Variants in SH3GL3 observed in about 807,000 individuals in gnomAD.
SH3GL3 encodes the protein SH3 domain containing GRB2 like 3, endophilin A3, also known as endophilin-A3.
Under a neutral mutation model 47.7 loss-of-function variants are expected in SH3GL3, and 33 were observed. The ratio of observed to expected loss-of-function variants is 0.69; its 90% CI spans 0.52 to 0.92. The LOEUF (loss-of-function observed/expected upper bound fraction) is 0.92, where lower values mean the gene tolerates loss of function less well. Among genes scored for constraint, SH3GL3 ranks in the 40% least tolerant of loss-of-function variants. The pLI is 0.00. For missense variants in SH3GL3, 363 were observed against 417.8 expected (o/e 0.87, Z 1.14); for synonymous variants, 155 against 148.8 (o/e 1.04, Z -0.30).
chr15:83,595,646 C>G (rs1345844557), intron 8 of SH3GL3, among the ~76,000 whole-genome samples: 1 of 144,394 alleles, frequency 6.9e-6, no homozygotes, highest in Non-Finnish European at 1.5e-5. Flanking sequence ...TGCATGAAGG[C>G]TTTAAGCTAT....
At chr15:83,507,012 G>A (rs745410575) in intron 1 of SH3GL3, among the ~76,000 whole-genome samples, 23 of 151,106 alleles carry the variant, frequency 1.5e-4, no homozygotes, top group Admixed American at 9.2e-4. Context: ...TTTTGTGTAC[G>A]CTTTTTTTTT....
At chr15:83,597,859 C>T (rs974604950) in intron 8 of SH3GL3, among the ~76,000 whole-genome samples, 3 of 152,312 alleles carry the variant, frequency 2.0e-5, no homozygotes, top group East Asian at 1.9e-4. Context: ...CTGCCCAACT[C>T]GGCCTCCCGA....
chr15:83,466,824 A>G (rs543359115), intron 1 of SH3GL3, among the ~76,000 whole-genome samples: 3 of 152,192 alleles, frequency 2.0e-5, no homozygotes, highest in South Asian at 4.1e-4. Flanking sequence ...AGCTTTGCAT[A>G]TGCTTATTGG....
chr15:83,466,471 G>A (rs1348762378), intron 1 of SH3GL3, among the ~76,000 whole-genome samples: 2 of 151,706 alleles, frequency 1.3e-5, no homozygotes, highest in African/African-American at 4.8e-5. Flanking sequence ...AATCACAAAG[G>A]CCCCAAGATG....
chr15:83,563,933 C>G (rs2045406858), intron 2 of SH3GL3, among the ~76,000 whole-genome samples: 1 of 152,158 alleles, frequency 6.6e-6, no homozygotes. Flanking sequence ...CCACCGTGCC[C>G]AGCCTTTTCC....
At chr15:83,521,450 G>C (rs1279328641) in intron 1 of SH3GL3, among the ~76,000 whole-genome samples, 1 of 152,174 alleles carries the variant, frequency 6.6e-6, no homozygotes, top group Admixed American at 6.5e-5. Context: ...ATGGTGCTGA[G>C]GATGGGGAGG....
intron 1 of SH3GL3, among the ~76,000 whole-genome samples, chr15:83,474,363 A>AT (rs955254845): frequency 6.6e-6 from 1 of 152,008 alleles, no homozygotes; most frequent in African/African-American, 2.4e-5. Context: ...GATCCTCTTG[A>AT]TTTTTTTGGA....
At chr15:83,631,798 C>G in the SH3GL3 span, among the ~76,000 whole-genome samples, 1 of 152,236 alleles carries the variant, frequency 6.6e-6, no homozygotes, top group African/African-American at 2.4e-5. Flanking sequence ...CCATGAAGGT[C>G]TCTGACATGC....
intron 1 of SH3GL3, among the ~76,000 whole-genome samples, chr15:83,479,961 T>A (rs1348505455): frequency 1.3e-5 from 2 of 152,246 alleles, no homozygotes; most frequent in Non-Finnish European, 2.9e-5. Context: ...ATGCTTGCCA[T>A]GTCGTAATTG....
intron 4 of SH3GL3, among the ~76,000 whole-genome samples, chr15:83,571,493 C>T (rs753508322): frequency 2.7e-4 from 41 of 152,108 alleles, no homozygotes; most frequent in African/African-American, 7.2e-5. Context: ...GAAGCTACCA[C>T]TGGGTCCGTA....
chr15:83,501,514 G>A (rs777660965), intron 1 of SH3GL3, among the ~76,000 whole-genome samples: 5 of 152,166 alleles, frequency 3.3e-5, no homozygotes, highest in Admixed American at 6.5e-5. Flanking sequence ...GACACTGAAA[G>A]GTCAATTTAT....
At chr15:83,605,437 G>A (rs1439128463) in intron 8 of SH3GL3, among the ~76,000 whole-genome samples, 1 of 152,038 alleles carries the variant, frequency 6.6e-6, no homozygotes, top group African/African-American at 2.4e-5. Context: ...TGCACATAAT[G>A]TTTATAAAGT....
intron 1 of SH3GL3, among the ~76,000 whole-genome samples, chr15:83,546,514 G>A (rs2044407729): frequency 6.6e-6 from 1 of 152,108 alleles, no homozygotes; most frequent in African/African-American, 2.4e-5. Flanking sequence ...TCCTCTTGGT[G>A]CTTTAGTTTA....
chr15:83,555,671 G>A (rs2044914636), intron 1 of SH3GL3, among the ~76,000 whole-genome samples: 1 of 152,084 alleles, frequency 6.6e-6, no homozygotes, highest in Non-Finnish European at 1.5e-5. Context: ...ATCAGACAGG[G>A]GTTTACATCT....
At chr15:83,484,587 T>C (rs1006449489) in intron 1 of SH3GL3, among the ~76,000 whole-genome samples, 1 of 152,152 alleles carries the variant, frequency 6.6e-6, no homozygotes, top group African/African-American at 2.4e-5. Context: ...ATTTTGGTTG[T>C]TTTTTTGTAT....
chr15:83,462,831 T>G (rs900138651), intron 1 of SH3GL3, among the ~76,000 whole-genome samples: 2 of 152,194 alleles, frequency 1.3e-5, no homozygotes, highest in Non-Finnish European at 2.9e-5. Context: ...ATGGCCTTCT[T>G]GTTGCTCAAA....
intron 1 of SH3GL3, among the ~76,000 whole-genome samples, chr15:83,449,365 C>CAG (rs2039619865): frequency 2.0e-5 from 3 of 152,122 alleles, no homozygotes; most frequent in Admixed American, 2.0e-4. Flanking sequence ...AGCCAGGAGG[C>CAG]CGAGTGCTGC....
At chr15:83,493,524 C>T (rs779233330) in intron 1 of SH3GL3, among the ~76,000 whole-genome samples, 2 of 152,186 alleles carry the variant, frequency 1.3e-5, no homozygotes, top group Non-Finnish European at 2.9e-5. Flanking sequence ...TCCTTAGTGT[C>T]TCAGTTCATG....
At chr15:83,519,369 C>T (rs1013233487) in intron 1 of SH3GL3, among the ~76,000 whole-genome samples, 3 of 152,110 alleles carry the variant, frequency 2.0e-5, no homozygotes, top group Non-Finnish European at 4.4e-5. Context: ...TACTTCTCCT[C>T]GTAGACATAT....
Sources: allele counts gnomAD v4.1 joint callset (sites outside exome capture counted in the v4.1 genomes callset), GRCh38; gene constraint gnomAD v4.1.1; transcripts MANE v1.5; gene names NCBI Gene and HGNC (gene_info 2026-07-23, HGNC 2026-07-21).